RFX2: variants seen among roughly 807,000 people sequenced by gnomAD.
The protein encoded by RFX2 is regulatory factor X2, also known as DNA-binding protein RFX2.
RFX2 carries 20 observed loss-of-function variants against 87.8 expected under a neutral mutation model. The observed-to-expected ratio is 0.23, with a 90% CI of 0.16 to 0.33. The LOEUF is 0.33. RFX2 is among the 10% of genes least tolerant of loss of function. The pLI, the probability that RFX2 is intolerant of heterozygous loss-of-function variation, is 1.00. For synonymous variants in RFX2, 397 were observed against 431.3 expected, an observed-to-expected ratio of 0.92 and a Z score of 0.98; for missense variants, 767 against 1,012.3, an observed-to-expected ratio of 0.76 and a Z score of 3.29.
At chr19:6,057,934 T>A (rs1020825376) in intron 1 of RFX2, among the ~76,000 whole-genome samples, 1 of 152,176 alleles carries the variant, frequency 6.6e-6, no homozygotes, top group Admixed American at 6.5e-5. Context: ...TCCTCACTGT[T>A]CAGGCTTGTG....
At position 6,020,107 on chromosome 19, in the gene RFX2, T is replaced by C. The variant is rs1599858492; in HGVS notation, c.598-3836A>G. On this transcript the variant is annotated intron_variant, in intron 6 of 17. Transcript: ENST00000303657. The surrounding 1 kb of genome is among the most constrained non-coding windows in gnomAD (Gnocchi z 5.3). ...TCAAGGAGCCAAATGACGATGCGGA[T>C]TTTCAGGCTAAAACTGTGAGGCCAG... is the stretch of plus-strand genomic sequence containing the variant. The C allele has an allele frequency of 1.3e-5, 2 of 152,080 alleles. No individual in the cohort carries two copies. The highest frequency in any genetic ancestry group is 3.9e-4 in the East Asian group (2 of 5,174). 9.4% of individuals were successfully genotyped at this position (152,080 alleles called of 1,614,324 possible). A position where few individuals can be genotyped will look rare whatever the true frequency, so the allele number is the denominator to read the frequency against.
Position 6,039,853 on chromosome 19 carries a change from C to A in RFX2, c.522+127G>T. Reference sequence around the variant, plus strand: ...AGGCTGGCCCGACTCCATCGTGGGGCCGCCTGGGCCCAGAGCAGACGACAG... The same window carrying A: ...AGGCTGGCCCGACTCCATCGTGGGGACGCCTGGGCCCAGAGCAGACGACAG... On this transcript the variant is annotated intron_variant, in intron 5 of 17. Coordinates refer to ENST00000303657, the MANE Select transcript of RFX2 (RefSeq NM_000635.4). The surrounding 1 kb of genome is among the most constrained non-coding windows in gnomAD (Gnocchi z 5.2). 2 of 1,168,416 alleles carry A rather than the reference C, an allele frequency of 1.7e-6. No individual in the cohort carries two copies. The highest frequency in any genetic ancestry group is 2.3e-6 in the Non-Finnish European group (2 of 861,744). The allele number at this position is 1,168,416 out of a possible 1,614,324, so 72.4% of individuals were successfully genotyped here.
chr19:6,001,665 G>A lies in RFX2; in HGVS notation c.1859+150C>T, dbSNP rs2144670588. 2 of 644,056 alleles carry A rather than the reference G, an allele frequency of 3.1e-6. No homozygotes were observed. Among genetic ancestry groups the A allele is most frequent in the Non-Finnish European group, 5.1e-6 (2 of 391,558 alleles). 39.9% of individuals were successfully genotyped at this position (644,056 alleles called of 1,614,324 possible). A position where few individuals can be genotyped will look rare whatever the true frequency, so the allele number is the denominator to read the frequency against. On this transcript the variant is annotated intron_variant, in intron 15 of 17. Coordinates refer to ENST00000303657, the MANE Select transcript of RFX2 (RefSeq NM_000635.4). This position sits in a 1 kb window ranked among gnomAD's most constrained non-coding sequence, Gnocchi z 5.6. ...TGGTCATGAGTGAGGCCCCCAGCCA[G>A]GTAGTTGTTTTTTGCGGGTTCAGAC...
intron 1 of RFX2, among the ~76,000 whole-genome samples, chr19:6,105,602 G>T (rs553095752): frequency 7.9e-5 from 12 of 152,256 alleles, no homozygotes; most frequent in African/African-American, 2.6e-4. Context: ...GGGTTAACAG[G>T]CCCCGTCTGG....
chr19:6,023,842 C>T lies in RFX2; in HGVS notation c.597+2321G>A, dbSNP rs2086852252. ...TCTCCCAGGCTGGAGTGCAGTGGCG[C>T]AATCTCAGCTCACTGCAACCTCCGT... On this transcript the variant is annotated intron_variant, in intron 6 of 17. Coordinates refer to ENST00000303657, the MANE Select transcript of RFX2 (RefSeq NM_000635.4). The surrounding 1 kb of genome is among the most constrained non-coding windows in gnomAD (Gnocchi z 4.9). Among the ~76,000 whole-genome samples, 1 of 151,744 alleles carries T rather than the reference C, an allele frequency of 6.6e-6. No homozygotes were observed.
chr19:6,094,274 C>T (rs554689756), intron 1 of RFX2, among the ~76,000 whole-genome samples: 19 of 151,212 alleles, frequency 1.3e-4, no homozygotes, highest in Admixed American at 1.3e-4. Flanking sequence ...ATGATGAAAA[C>T]GTAAGACTTT....
At chr19:6,031,358 T>A (rs2086950500) in intron 5 of RFX2, among the ~76,000 whole-genome samples, 1 of 151,928 alleles carries the variant, frequency 6.6e-6, no homozygotes. Context: ...AAATTAATAA[T>A]TTTTACTGCT....
intron 9 of RFX2, among the ~76,000 whole-genome samples, chr19:6,009,426 G>A (rs1344600260): frequency 6.6e-6 from 1 of 152,068 alleles, no homozygotes; most frequent in Non-Finnish European, 1.5e-5. Context: ...GGGGAAGAAC[G>A]CTGTCCCTTG....
chr19:6,098,593 C>T (rs1271669770), intron 1 of RFX2, among the ~76,000 whole-genome samples: 1 of 151,942 alleles, frequency 6.6e-6, no homozygotes, highest in Non-Finnish European at 1.5e-5. Flanking sequence ...CTTCGTTAAA[C>T]GTGAGAGGTC....
In RFX2 at chr19:5,999,064, C is replaced by T. The variant is rs1241095778; in HGVS notation, c.1860-1851G>A. On this transcript the variant is annotated intron_variant, in intron 15 of 17. Coordinates refer to ENST00000303657, the MANE Select transcript of RFX2 (RefSeq NM_000635.4). The surrounding 1 kb of genome is among the most constrained non-coding windows in gnomAD (Gnocchi z 4.1). Reference sequence around the variant, plus strand: ...TGAGGTCAGGAGTTTGAGAGCAGCCCGGCCAACATGGCAAAACCCCGTCTC... The same window carrying T: ...TGAGGTCAGGAGTTTGAGAGCAGCCTGGCCAACATGGCAAAACCCCGTCTC... Among the ~76,000 whole-genome samples, 3 of 152,048 alleles carry T rather than the reference C, an allele frequency of 2.0e-5. No homozygotes were observed. The highest frequency in any genetic ancestry group is 4.4e-5 in the Non-Finnish European group (3 of 67,994).
In RFX2 at chr19:6,044,196, C is replaced by T. The variant is rs1405854979; in HGVS notation, c.177G>A (p.Gln59=). The change falls in exon 3 of 18, where the codon CAG becomes CAA. Residue 59 remains glutamine, a synonymous_variant. Coordinates refer to ENST00000303657, the MANE Select transcript of RFX2 (RefSeq NM_000635.4). The surrounding 1 kb of genome is among the most constrained non-coding windows in gnomAD (Gnocchi z 5.3). ...ISLPRVQQVP[Q]QVQPVQHVYP... ...GTGCTGCGGTGCTTGTCATTACCTGCTGGGGTACCTGCTGAACTCTGGGGA... is the reference window on the plus strand; with the variant it reads ...GTGCTGCGGTGCTTGTCATTACCTGTTGGGGTACCTGCTGAACTCTGGGGA... 2.6e-6 allele frequency: 4 copies of T among 1,557,042 alleles called. No homozygotes were observed. The highest frequency in any genetic ancestry group is 3.5e-6 in the Non-Finnish European group (4 of 1,151,430).
intron 1 of RFX2, among the ~76,000 whole-genome samples, chr19:6,104,669 G>A (rs533351433): frequency 6.6e-6 from 1 of 152,190 alleles, no homozygotes; most frequent in East Asian, 1.9e-4. Context: ...AGCCTCCCAG[G>A]TAGCTGAGAT....
intron 1 of RFX2, among the ~76,000 whole-genome samples, chr19:6,076,207 G>A (rs2087690183): frequency 1.3e-5 from 2 of 152,172 alleles, no homozygotes; most frequent in Admixed American, 1.3e-4. Flanking sequence ...AGCCATGCGT[G>A]GTGGTGCATG....
chr19:6,101,464 A>G lies in RFX2; in HGVS notation c.-9+8929T>C, dbSNP rs974357138. On this transcript the variant is annotated intron_variant, in intron 1 of 17. Transcript: ENST00000303657. The surrounding 1 kb of genome is among the most constrained non-coding windows in gnomAD (Gnocchi z 4.9). Reference sequence around the variant, plus strand: ...TTTTGTGGGCTGGTAATTTTTTTGGAAACTGCTTCTAAGGCCTTTCCCCAC... The same window carrying G: ...TTTTGTGGGCTGGTAATTTTTTTGGGAACTGCTTCTAAGGCCTTTCCCCAC... 1.3e-5 allele frequency among the ~76,000 whole-genome samples: 2 copies of G among 152,134 alleles called. No homozygotes were observed. Among genetic ancestry groups the G allele is most frequent in the Non-Finnish European group, 2.9e-5 (2 of 68,010 alleles).
At chr19:6,042,250 C>T (rs1170731077) in intron 3 of RFX2, 127 bp from the exon 4 acceptor site, 64 of 780,904 alleles carry the variant, frequency 8.2e-5, no homozygotes, top group Non-Finnish European at 1.3e-4. Flanking sequence ...TGTTCCCGCC[C>T]ACAGTCGGCA....
rs1041772344 is a variant in RFX2, at chr19:6,017,739, C to T, written c.598-1468G>A. On this transcript the variant is annotated intron_variant, in intron 6 of 17. Coordinates refer to ENST00000303657, the MANE Select transcript of RFX2 (RefSeq NM_000635.4). This position sits in a 1 kb window ranked among gnomAD's most constrained non-coding sequence, Gnocchi z 4.1. ...GCAGTGCTGGGTCCTCAGCCCTCCC[C>T]CACCGGGCATGTTGGGCTCCTGCAC... Among the ~76,000 whole-genome samples the T allele has an allele frequency of 1.3e-5, 2 of 152,092 alleles. No individual in the cohort carries two copies. The highest frequency in any genetic ancestry group is 2.9e-5 in the Non-Finnish European group (2 of 68,020).
At chr19:6,109,064 T>TG (rs2088266425) in intron 1 of RFX2, among the ~76,000 whole-genome samples, 1 of 148,654 alleles carries the variant, frequency 6.7e-6, no homozygotes, top group Non-Finnish European at 1.5e-5. Context: ...TGGTGGGCGG[T>TG]GGGGGCAGGG....
In RFX2 at chr19:6,061,667, A is replaced by C. The variant is rs2087433755; in HGVS notation, c.-8-14163T>G. The stretch of plus-strand genomic sequence containing the variant: ...AACCTCCATTATTTATATAAATAAG[A>C]ACAAATGCCAAGGGGAATGCCGAGT... On this transcript the variant is annotated intron_variant, in intron 1 of 17. Coordinates refer to ENST00000303657, the MANE Select transcript of RFX2 (RefSeq NM_000635.4). The surrounding 1 kb of genome is among the most constrained non-coding windows in gnomAD (Gnocchi z 5.2). Among the ~76,000 whole-genome samples the C allele has an allele frequency of 6.6e-6, 1 of 152,240 alleles. No individual in the cohort carries two copies. Among genetic ancestry groups the C allele is most frequent in the Non-Finnish European group, 1.5e-5 (1 of 68,038 alleles).
rs1279874917 is a variant in RFX2, at chr19:6,044,441, A to G, written c.91-159T>C. On this transcript the variant is annotated intron_variant, in intron 2 of 17. Transcript: ENST00000303657. This position sits in a 1 kb window ranked among gnomAD's most constrained non-coding sequence, Gnocchi z 5.3. ...GGCGGGGTGATGGTCAGACTTGCAC[A>G]CTCACACCGACCTGGGCAGACACAC... Among the ~76,000 whole-genome samples, 1 of 152,180 alleles carries G rather than the reference A, an allele frequency of 6.6e-6. No individual in the cohort carries two copies. The highest frequency in any genetic ancestry group is 2.4e-5 in the African/African-American group (1 of 41,430).
Sources: allele counts gnomAD v4.1 joint callset (sites outside exome capture counted in the v4.1 genomes callset), GRCh38; gene constraint gnomAD v4.1.1; non-coding constraint Gnocchi (gnomAD v3.1); transcripts MANE v1.5; gene names NCBI Gene and HGNC (gene_info 2026-07-23, HGNC 2026-07-21).